Variants in JAK3 observed in about 807,000 individuals in gnomAD.
The protein encoded by JAK3 is Janus kinase 3.
Under a neutral mutation model 120.8 loss-of-function variants are expected in JAK3, and 88 were observed. The ratio of observed to expected loss-of-function variants is 0.73; its 90% CI spans 0.61 to 0.87. The LOEUF is 0.87. JAK3 is among the 40% of genes least tolerant of loss of function. JAK3 has a pLI of 0.00. For synonymous variants in JAK3, 592 were observed against 628.6 expected, an observed-to-expected ratio of 0.94 and a Z score of 0.87; for missense variants, 1,254 against 1,501.4, an observed-to-expected ratio of 0.84 and a Z score of 2.72.
intron 10 of JAK3, 61 bp downstream of exon 10, chr19:17,839,416 A>G: frequency 6.7e-7 from 1 of 1,491,024 alleles, no homozygotes; most frequent in Non-Finnish European, 9.2e-7. Context: ...AGGAGCTGTC[A>G]CAGACATAGA....
Position 17,834,851 on chromosome 19 carries a change from C to A in JAK3, c.2199+1G>T. The A allele has an allele frequency of 6.2e-7, 1 of 1,614,136 alleles. No homozygotes were observed. The highest frequency in any genetic ancestry group is 8.5e-7 in the Non-Finnish European group (1 of 1,180,024). On this transcript the variant is annotated splice_donor_variant, in intron 16 of 23. Transcript: ENST00000458235. LOFTEE classifies it high-confidence loss of function. ...ACCGATGCCGGGTGAGGGGCTCTGA[C>A]CTTAGCAGGATCCAGGGCACTGATG...
chr19:17,829,762 A>G (rs1294818754), intron 23 of JAK3: 2 of 461,332 alleles, frequency 4.3e-6, no homozygotes, highest in East Asian at 6.4e-5. Flanking sequence ...TAAAAAAGAA[A>G]GAAAGAAAGA....
chr19:17,836,220 T>C (rs2094223961), intron 13 of JAK3, among the ~76,000 whole-genome samples, 169 bp from the exon 14 acceptor site: 1 of 152,128 alleles, frequency 6.6e-6, no homozygotes, highest in Non-Finnish European at 1.5e-5. Context: ...CCTCCATCTC[T>C]GAATGATTTG....
chr19:17,844,911 G>A (rs551903585), intron 1 of JAK3, among the ~76,000 whole-genome samples: 5 of 152,072 alleles, frequency 3.3e-5, no homozygotes, highest in South Asian at 2.1e-4. Context: ...CCACCCGCTC[G>A]CTCACTTGCC....
rs573731097 is a variant in JAK3, at chr19:17,839,603, G to A, written c.1315C>T (p.Leu439Phe). The A allele has an allele frequency of 3.1e-6, 5 of 1,612,682 alleles. No homozygotes were observed. The highest frequency in any genetic ancestry group is 1.3e-5 in the African/African-American group (1 of 75,054). ...TGGGGTCGGCTGAGGCCAACCAGAA[G>A]GAAGGTTCCTGTGGGGCTGCGCCGG... is the stretch of plus-strand genomic sequence containing the variant. ...LIRRSPTGTF[L>F]LVGLSRPHSS... Residue 439 changes from leucine to phenylalanine, a missense_variant, in exon 10 of 24, where the codon CTT (leucine) becomes TTT (phenylalanine). Physicochemically the swap from Leu to Phe is conservative, Grantham distance 22. This residue lies in a region of JAK3 where 486 missense variants were observed against 503.0 expected (regional missense o/e 0.97). Coordinates refer to ENST00000458235, the MANE Select transcript of JAK3 (RefSeq NM_000215.4).
Position 17,832,889 on chromosome 19 carries a change from T to C in JAK3, c.2391A>G (p.Ala797=), listed in dbSNP as rs199910484. ...LLSDPTPGAL[A]PRDGLWNGAQ... ...CACCATTCCACAGCCCATCACGAGGTGCCAGGGCACCAGGTGTGGGGTCTG... is the reference window on the plus strand; with the variant it reads ...CACCATTCCACAGCCCATCACGAGGCGCCAGGGCACCAGGTGTGGGGTCTG... Residue 797 remains alanine, a synonymous_variant, in exon 18 of 24, where the codon GCA becomes GCG. Transcript: ENST00000458235. This position sits in a 1 kb window ranked among gnomAD's most constrained non-coding sequence, Gnocchi z 4.7. 1.6e-4 allele frequency: 251 copies of C among 1,613,994 alleles called. No individual in the cohort carries two copies. The highest frequency in any genetic ancestry group is 2.0e-4 in the Non-Finnish European group (241 of 1,180,014).
At chr19:17,844,006 A>T in intron 2 of JAK3, 106 bp from the exon 3 acceptor site, 4 of 1,435,346 alleles carry the variant, frequency 2.8e-6, no homozygotes, top group Non-Finnish European at 3.8e-6. Flanking sequence ...ACCTCAAGGT[A>T]TGACCAGCTG....
intron 12 of JAK3, 129 bp from the exon 13 acceptor site, chr19:17,837,342 A>G: frequency 1.4e-6 from 1 of 722,632 alleles, no homozygotes; most frequent in Non-Finnish European, 2.5e-6. Context: ...GGAGTCTGCC[A>G]TTAGTGCACA....
At position 17,841,860 on chromosome 19, in the gene JAK3, C is replaced by T. The variant is rs2094240073; in HGVS notation, c.862-98G>A. 2.6e-6 allele frequency: 4 copies of T among 1,550,916 alleles called. No homozygotes were observed. In the African/African-American group the frequency reaches 4.1e-5, roughly 16 times the overall value. Reference sequence around the variant, plus strand: ...CAAGCCACACCATCCACTCCCTATCCCTTTGCCATTCAACCCTTCCAAGCC... The same window carrying T: ...CAAGCCACACCATCCACTCCCTATCTCTTTGCCATTCAACCCTTCCAAGCC... On this transcript the variant is annotated intron_variant, in intron 6 of 23. Transcript: ENST00000458235. This position sits in a 1 kb window ranked among gnomAD's most constrained non-coding sequence, Gnocchi z 4.1.
chr19:17,844,489 C>A, intron 1 of JAK3, 59 bp from the exon 2 acceptor site: 1 of 1,472,796 alleles, frequency 6.8e-7, no homozygotes, highest in Non-Finnish European at 9.2e-7. Flanking sequence ...GACTTCTGAG[C>A]AGGGAGGGCA....
chr19:17,844,139 A>G (rs2094246420), intron 2 of JAK3, 95 bp downstream of exon 2: 3 of 1,369,194 alleles, frequency 2.2e-6, no homozygotes, highest in Non-Finnish European at 2.0e-6. Context: ...CCCAGCTCCG[A>G]TGCTGACTTC....
At chr19:17,834,773 A>G (rs776159989) in intron 16 of JAK3, 52 bp from the exon 17 acceptor site, 14 of 1,613,510 alleles carry the variant, frequency 8.7e-6, no homozygotes, top group African/African-American at 2.7e-5. Context: ...ACCCACCCCA[A>G]TCTCCCCAGA....
intron 21 of JAK3, among the ~76,000 whole-genome samples, chr19:17,830,974 A>G (rs1252135003): frequency 7.2e-5 from 7 of 96,572 alleles, no homozygotes; most frequent in African/African-American, 3.0e-4. Flanking sequence ...GGGGTTCTGA[A>G]GCTTGGGCGG....
chr19:17,830,674 G>A (rs200843031), intron 21 of JAK3, 54 bp from the exon 22 acceptor site: 2 of 1,442,934 alleles, frequency 1.4e-6, no homozygotes, highest in Non-Finnish European at 2.0e-6. Flanking sequence ...ACAGGAAGAG[G>A]GGGGCAGCCT....
chr19:17,826,214 T>C lies in JAK3; in HGVS notation c.*529A>G, dbSNP rs558464981. 14 of 161,554 alleles carry C rather than the reference T, an allele frequency of 8.7e-5. No individual in the cohort carries two copies. In the East Asian group the frequency reaches 2.0e-3, roughly 23 times the overall value. 10.0% of individuals were successfully genotyped at this position (161,554 alleles called of 1,614,324 possible). A position where few individuals can be genotyped will look rare whatever the true frequency, so the allele number is the denominator to read the frequency against. On this transcript the variant is annotated 3_prime_UTR_variant, in exon 24 of 24. Coordinates refer to ENST00000458235, the MANE Select transcript of JAK3 (RefSeq NM_000215.4). ...GCCTGGCCATCATGGTGAAACCTCA[T>C]CTCTATTAAAAATAAAAAAAATTAG...
chr19:17,842,367 C>G lies in JAK3; in HGVS notation c.810G>C (p.Leu270=). 4 of 1,588,814 alleles carry G rather than the reference C, an allele frequency of 2.5e-6. No homozygotes were observed. Among genetic ancestry groups the G allele is most frequent in the Non-Finnish European group, 3.4e-6 (4 of 1,171,992 alleles). The change falls in exon 6 of 24, where the codon CTG becomes CTC. Residue 270 remains leucine, a synonymous_variant. Coordinates refer to ENST00000458235, the MANE Select transcript of JAK3 (RefSeq NM_000215.4). This position sits in a 1 kb window ranked among gnomAD's most constrained non-coding sequence, Gnocchi z 6.4. ...TGCCGCCGTCACCAGCCACGCGGAG[C>G]AGCCCCAGCCCGTCGTGGCCACCAA... ...GALGGHDGLG[L]LRVAGDGGIA...
chr19:17,846,305 A>C (rs2094252083), intron 1 of JAK3, among the ~76,000 whole-genome samples: 2 of 152,156 alleles, frequency 1.3e-5, no homozygotes, highest in Non-Finnish European at 2.9e-5. Flanking sequence ...AGCGATCAAC[A>C]AACGCCTGTT....
In JAK3 at chr19:17,830,512, G is replaced by C. The variant is rs202044618; in HGVS notation, c.3087C>G (p.Ser1029Arg). Residue 1029 changes from serine to arginine, a missense_variant, in exon 22 of 24, where the codon AGC (serine) becomes AGG (arginine). Ser to Arg is a moderately radical substitution (Grantham distance 110). Coordinates refer to ENST00000458235, the MANE Select transcript of JAK3 (RefSeq NM_000215.4). ...ELFTYCDKSC[S>R]PSAEFLRMMG... ...TGGGAAGCCGACTCACGGCCGAGGGGCTGCAGCTTTTGTCGCAGTAGGTGA... is the reference window on the plus strand; with the variant it reads ...TGGGAAGCCGACTCACGGCCGAGGGCCTGCAGCTTTTGTCGCAGTAGGTGA... The C allele has an allele frequency of 7.4e-6, 12 of 1,613,040 alleles. No individual in the cohort carries two copies. The highest frequency in any genetic ancestry group is 6.7e-5 in the Admixed American group (4 of 59,958).
At chr19:17,834,814 G>A (rs768787926) in intron 16 of JAK3, 38 bp downstream of exon 16, 2 of 1,613,682 alleles carry the variant, frequency 1.2e-6, no homozygotes, top group Admixed American at 3.3e-5. Flanking sequence ...CTGTCAAAGT[G>A]GGGGTTCGGA....
Sources: gnomAD v4.1 joint callset for allele counts (sites outside exome capture counted in the v4.1 genomes callset) on GRCh38, gnomAD v4.1.1 for gene constraint, gnomAD v4.1.1 regional missense constraint, Gnocchi (gnomAD v3.1) non-coding constraint, MANE v1.5 for transcripts, NCBI Gene and HGNC (gene_info 2026-07-23, HGNC 2026-07-21) for gene names.